The following PDE7B variants were observed in gnomAD, a reference collection of about 807,000 sequenced individuals.
PDE7B encodes 3',5'-cyclic-AMP phosphodiesterase 7B.
A neutral mutation model predicts 56.2 loss-of-function variants in PDE7B; 29 were observed. The ratio of observed to expected loss-of-function variants is 0.52; its 90% CI spans 0.38 to 0.70. The LOEUF is 0.70. Among genes scored for constraint, PDE7B ranks in the 30% least tolerant of loss-of-function variants. The probability of loss-of-function intolerance (pLI) is 0.00; values close to 1 mark genes in which losing one functional copy is unlikely to be tolerated. For synonymous variants in PDE7B, 197 were observed against 196.9 expected, an observed-to-expected ratio of 1.00 and a Z score of 0.00; for missense variants, 490 against 565.0, an observed-to-expected ratio of 0.87 and a Z score of 1.35.
chr6:136,161,234 C>T (rs1778698764), intron 8 of PDE7B, among the ~76,000 whole-genome samples: 1 of 152,284 alleles, frequency 6.6e-6, no homozygotes, highest in South Asian at 2.1e-4. Context: ...TTACAAGCCC[C>T]TCCTATGAGA....
Position 135,934,818 on chromosome 6 carries a change from A to G in PDE7B, c.22-12646A>G, listed in dbSNP as rs1258737508. ...TTAAATATATATATTTATTATATATATATTTAATAAATAAATATATATATT... is the reference window on the plus strand; with the variant it reads ...TTAAATATATATATTTATTATATATGTATTTAATAAATAAATATATATATT... On this transcript the variant is annotated intron_variant, in intron 1 of 12. Coordinates refer to ENST00000308191, the MANE Select transcript of PDE7B (RefSeq NM_018945.4). 9.1e-5 allele frequency among the ~76,000 whole-genome samples: 10 copies of G among 110,176 alleles called. No individual in the cohort carries two copies. The East Asian group carries it at 2.3e-3, about 25-fold the overall frequency. 72.3% of individuals were successfully genotyped at this position (110,176 alleles called of 152,430 possible).
At chr6:136,096,965 A>G (rs999678197) in intron 2 of PDE7B, among the ~76,000 whole-genome samples, 1 of 152,070 alleles carries the variant, frequency 6.6e-6, no homozygotes, top group Non-Finnish European at 1.5e-5. Context: ...TTCTTCCACA[A>G]AATCCATCTG....
intron 2 of PDE7B, among the ~76,000 whole-genome samples, chr6:136,075,647 T>C (rs1386462657): frequency 6.6e-6 from 1 of 152,240 alleles, no homozygotes; most frequent in African/African-American, 2.4e-5. Context: ...CAATGCATAC[T>C]GTTTCATGGC....
At chr6:135,902,331 G>GT (rs66648278) in intron 1 of PDE7B, among the ~76,000 whole-genome samples, 58,593 of 147,612 alleles carry the variant, frequency 0.4, 11,931 homozygotes, top group Non-Finnish European at 0.47. Context: ...TTATGTGAAG[G>GT]TTTTTTTTTT....
chr6:135,964,542 A>T (rs1774960482), intron 2 of PDE7B, among the ~76,000 whole-genome samples: 1 of 152,172 alleles, frequency 6.6e-6, no homozygotes, highest in South Asian at 2.1e-4. Flanking sequence ...ATATACTAGG[A>T]TTTCTAATGT....
chr6:136,008,467 C>G (rs1256187458), intron 2 of PDE7B, among the ~76,000 whole-genome samples: 1 of 152,180 alleles, frequency 6.6e-6, no homozygotes, highest in African/African-American at 2.4e-5. Flanking sequence ...AAAAGTGTTC[C>G]TATTTCTCCA....
chr6:135,869,205 G>A (rs560827062), intron 1 of PDE7B, among the ~76,000 whole-genome samples: 79 of 152,022 alleles, frequency 5.2e-4, no homozygotes, highest in Admixed American at 8.5e-4. Context: ...GACTGCTTTC[G>A]ATGGTGTGAA....
At chr6:136,154,857 T>G (rs1778579659) in intron 7 of PDE7B, among the ~76,000 whole-genome samples, 1 of 152,210 alleles carries the variant, frequency 6.6e-6, no homozygotes, top group Non-Finnish European at 1.5e-5. Flanking sequence ...GTTCAATCTG[T>G]TTTTAACATC....
chr6:136,149,018 T>C, intron 4 of PDE7B, 69 bp from the exon 5 acceptor site: 4 of 1,080,526 alleles, frequency 3.7e-6, no homozygotes, highest in Non-Finnish European at 5.8e-6. Flanking sequence ...TAATCCACTA[T>C]ATCCCAAAGT....
intron 2 of PDE7B, among the ~76,000 whole-genome samples, chr6:136,040,145 A>G (rs1302801603): frequency 1.3e-5 from 2 of 152,132 alleles, no homozygotes; most frequent in African/African-American, 4.8e-5. Flanking sequence ...ATACCTCTCT[A>G]CCACTGCCTC....
Position 136,179,037 on chromosome 6 carries a change from A to G in PDE7B, c.844A>G (p.Thr282Ala). 2 of 1,614,144 alleles carry G rather than the reference A, an allele frequency of 1.2e-6. No homozygotes were observed. The highest frequency in any genetic ancestry group is 8.5e-7 in the Non-Finnish European group (1 of 1,179,950). ...EQQLGSLILA[T>A]DINRQNEFLT... ...GCAGCTGGGCTCCTTGATCTTGGCA[A>G]CAGACATCAACAGGCAGAATGAATT... is the stretch of plus-strand genomic sequence containing the variant. The change falls in exon 10 of 13, where the codon ACA (threonine) becomes GCA (alanine). Residue 282 changes from threonine to alanine, a missense_variant. By Grantham distance (58) the Thr-to-Ala change is moderately conservative. Coordinates refer to ENST00000308191, the MANE Select transcript of PDE7B (RefSeq NM_018945.4).
chr6:136,135,635 T>C (rs966194858), intron 3 of PDE7B, among the ~76,000 whole-genome samples: 3 of 152,102 alleles, frequency 2.0e-5, no homozygotes, highest in Admixed American at 1.3e-4. Context: ...TGGCCTCTTA[T>C]GACCACTGGT....
chr6:136,097,543 A>C (rs906517006), intron 2 of PDE7B, among the ~76,000 whole-genome samples: 21 of 152,096 alleles, frequency 1.4e-4, no homozygotes, highest in Admixed American at 1.3e-3. Flanking sequence ...TTTCCTACCT[A>C]GTCATTCTTT....
rs918304888 is a variant in PDE7B at position 135,947,532 on chromosome 6, G to A, written c.82+8G>A. 21 of 1,602,444 alleles carry A rather than the reference G, an allele frequency of 1.3e-5. No homozygotes were observed. The highest frequency in any genetic ancestry group is 4.4e-5 in the South Asian group (4 of 90,854). On this transcript the variant is annotated splice_region_variant and intron_variant, in intron 2 of 12. Transcript: ENST00000308191. ...AATGTGTTTGCATGCTGGGTAAGAA[G>A]GCTTCTCATTTTAAATATATTAAGC... is the stretch of plus-strand genomic sequence containing the variant.
intron 9 of PDE7B, among the ~76,000 whole-genome samples, chr6:136,178,633 C>T (rs537940408): frequency 3.0e-4 from 46 of 152,268 alleles, no homozygotes; most frequent in African/African-American, 9.9e-4. Context: ...TGCACATCTT[C>T]ATGTTTGAAC....
intron 2 of PDE7B, among the ~76,000 whole-genome samples, chr6:136,074,043 G>C (rs1365900949): frequency 6.6e-6 from 1 of 152,114 alleles, no homozygotes; most frequent in East Asian, 1.9e-4. Context: ...CCAACATGGT[G>C]AAACCCTGTC....
chr6:135,856,315 T>C (rs1007281352), intron 1 of PDE7B, among the ~76,000 whole-genome samples: 1 of 152,224 alleles, frequency 6.6e-6, no homozygotes, highest in African/African-American at 2.4e-5. Flanking sequence ...CAAAGAGGCA[T>C]GCTTTGTGAA....
chr6:135,928,497 A>ATT lies in PDE7B; in HGVS notation c.22-18966_22-18965insTT, dbSNP rs1164610692. On this transcript the variant is annotated intron_variant, in intron 1 of 12. Transcript: ENST00000308191. ...TATATATATATTTATTTATATATAT[A>ATT]TATTTATATATATATATTTATTTAT... Among the ~76,000 whole-genome samples, 14 of 103,752 alleles carry ATT rather than the reference A, an allele frequency of 1.3e-4. No homozygotes were observed. In the South Asian group the frequency reaches 1.5e-3, roughly 11 times the overall value. 68.1% of individuals were successfully genotyped at this position (103,752 alleles called of 152,430 possible). A position where few individuals can be genotyped will look rare whatever the true frequency, so the allele number is the denominator to read the frequency against.
chr6:136,122,141 G>T (rs550737183), intron 3 of PDE7B, among the ~76,000 whole-genome samples: 29 of 152,020 alleles, frequency 1.9e-4, no homozygotes, highest in African/African-American at 6.8e-4. Flanking sequence ...GACTCCAGGC[G>T]CCCACCACCA....
Sources: allele counts gnomAD v4.1 joint callset (sites outside exome capture counted in the v4.1 genomes callset), GRCh38; gene constraint gnomAD v4.1.1; transcripts MANE v1.5; gene names NCBI Gene and HGNC (gene_info 2026-07-23, HGNC 2026-07-21).